Variants in CLCN5 observed in about 807,000 individuals in gnomAD.
CLCN5 encodes the protein H(+)/Cl(-) exchange transporter 5.
A neutral mutation model predicts 54.0 loss-of-function variants in CLCN5; 17 were observed. That is an observed-to-expected ratio of 0.31 (90% CI 0.22 to 0.47). The LOEUF (loss-of-function observed/expected upper bound fraction) is 0.47. CLCN5 is among the 20% of genes least tolerant of loss of function. The pLI, the probability that CLCN5 is intolerant of heterozygous loss-of-function variation, is 1.00. For synonymous variants in CLCN5, 222 were observed against 233.0 expected, an observed-to-expected ratio of 0.95 and a Z score of 0.43; for missense variants, 448 against 646.7, an observed-to-expected ratio of 0.69 and a Z score of 3.33.
chrX:50,076,089 CCACA>C, intron 7 of CLCN5, 107 bp downstream of exon 7: 2 of 767,809 alleles, frequency 2.6e-6, no homozygotes, highest in Non-Finnish European at 3.9e-6. Flanking sequence ...ATTTTCCTTT[CCACA>C]GAAAGGGGAA....
At chrX:50,039,160 G>A (rs1335390799) in intron 3 of CLCN5, among the ~76,000 whole-genome samples, 2 of 111,319 alleles carry the variant, frequency 1.8e-5, no homozygotes, top group Admixed American at 9.5e-5. Flanking sequence ...TGGGCACAGT[G>A]ACGCACGCCT....
intron 3 of CLCN5, among the ~76,000 whole-genome samples, chrX:50,000,507 C>T (rs1929746767): frequency 9.0e-6 from 1 of 111,300 alleles, no homozygotes; most frequent in African/African-American, 3.3e-5. Flanking sequence ...CTTCCTTTTC[C>T]TCCCTCATCT....
intron 9 of CLCN5, 121 bp downstream of exon 9, chrX:50,081,968 C>A: frequency 1.6e-6 from 1 of 616,268 alleles, no homozygotes; most frequent in Non-Finnish European, 2.6e-6. Flanking sequence ...CCCAGCAATT[C>A]CACTTGTAGG....
At chrX:50,057,957 A>T (rs1212796146) in intron 4 of CLCN5, among the ~76,000 whole-genome samples, 1 of 111,009 alleles carries the variant, frequency 9.0e-6, no homozygotes, top group Non-Finnish European at 1.9e-5. Context: ...GGATGCGGGT[A>T]TGGAAGTAAG....
At chrX:49,998,387 T>TAA (rs1251305856) in intron 3 of CLCN5, among the ~76,000 whole-genome samples, 4 of 111,692 alleles carry the variant, frequency 3.6e-5, no homozygotes, top group Non-Finnish European at 7.5e-5. Context: ...CCTTCTCACT[T>TAA]ACTCTCTCAC....
chrX:49,990,118 A>G (rs1929183434), intron 3 of CLCN5, among the ~76,000 whole-genome samples: 1 of 110,551 alleles, frequency 9.0e-6, no homozygotes, highest in South Asian at 3.8e-4. Flanking sequence ...TTATTTATTT[A>G]TAATTGTTTT....
At chrX:49,927,435 C>T (rs1210946588) in intron 3 of CLCN5, among the ~76,000 whole-genome samples, 1 of 111,904 alleles carries the variant, frequency 8.9e-6, no homozygotes, top group African/African-American at 3.3e-5. Flanking sequence ...TGGATAACTG[C>T]AGCTTATCCT....
intron 3 of CLCN5, among the ~76,000 whole-genome samples, chrX:49,952,617 C>T (rs1276322421): frequency 4.5e-5 from 5 of 110,293 alleles, no homozygotes; most frequent in African/African-American, 1.6e-4. Flanking sequence ...ATTGGCTTTT[C>T]CTTTTATAGA....
At chrX:49,936,697 T>G (rs1468323749) in intron 3 of CLCN5, among the ~76,000 whole-genome samples, 1 of 112,445 alleles carries the variant, frequency 8.9e-6, no homozygotes, top group Non-Finnish European at 1.9e-5. Context: ...GCATATAAGT[T>G]GGTAGAATCC....
At chrX:49,991,021 T>C (rs1929235192) in intron 3 of CLCN5, among the ~76,000 whole-genome samples, 1 of 112,629 alleles carries the variant, frequency 8.9e-6, no homozygotes, top group Non-Finnish European at 1.9e-5. Context: ...ATAACATGCG[T>C]GTGCAAGTGT....
At chrX:49,940,741 G>A (rs1926283667) in intron 3 of CLCN5, among the ~76,000 whole-genome samples, 1 of 111,862 alleles carries the variant, frequency 8.9e-6, no homozygotes, top group Non-Finnish European at 1.9e-5. Flanking sequence ...CCCTTGAAAT[G>A]ATTTCACTTG....
chrX:50,048,523 G>A (rs1248580635), intron 4 of CLCN5, among the ~76,000 whole-genome samples: 1 of 112,404 alleles, frequency 8.9e-6, no homozygotes, highest in Admixed American at 9.4e-5. Context: ...ATATCAGTAT[G>A]GACTCATTTA....
At chrX:50,059,026 T>C (rs1433513062) in intron 4 of CLCN5, among the ~76,000 whole-genome samples, 4 of 111,792 alleles carry the variant, frequency 3.6e-5, no homozygotes, top group Non-Finnish European at 7.5e-5. Context: ...GGGTAGATCA[T>C]TTCTGTTGCC....
At chrX:50,088,048 G>A (rs868919400) in intron 11 of CLCN5, among the ~76,000 whole-genome samples, 1 of 112,032 alleles carries the variant, frequency 8.9e-6, no homozygotes, top group African/African-American at 3.2e-5. Context: ...AATCTTTCTT[G>A]ATACTGTTAC....
At chrX:49,990,027 C>G (rs782272267) in intron 3 of CLCN5, among the ~76,000 whole-genome samples, 1 of 111,848 alleles carries the variant, frequency 8.9e-6, no homozygotes, top group South Asian at 3.8e-4. Context: ...AGTGGCATTT[C>G]CATCTCAACC....
In CLCN5 at chrX:50,071,772, G is replaced by A. The variant is rs185409379; in HGVS notation, c.316-717G>A. Among the ~76,000 whole-genome samples, 9 of 111,944 alleles carry A rather than the reference G, an allele frequency of 8.0e-5. No individual in the cohort carries two copies. The East Asian group carries it at 2.5e-3, about 31-fold the overall frequency. On this transcript the variant is annotated intron_variant, in intron 5 of 14. Coordinates refer to ENST00000376091, the MANE Select transcript of CLCN5 (RefSeq NM_001127898.4). ...TCTGTGACGTTACTGTAGATAAGGT[G>A]GGGTAACTAAGTTGCCATTTCAAAG...
chrX:49,922,862 G>C (rs1223581492), intron 1 of CLCN5, 70 bp downstream of exon 1: 3 of 112,688 alleles, frequency 2.7e-5, no homozygotes, highest in Non-Finnish European at 3.8e-5. Flanking sequence ...CCCACCCCCG[G>C]AGCACCCCCT....
chrX:50,019,481 T>C (rs1557184074), intron 3 of CLCN5, among the ~76,000 whole-genome samples: 2 of 93,447 alleles, frequency 2.1e-5, no homozygotes, highest in African/African-American at 3.9e-5. Flanking sequence ...TTTTTTTTTT[T>C]TTTTTTTTAT....
chrX:50,014,568 G>A (rs782727424), intron 3 of CLCN5: 4 of 336,282 alleles, frequency 1.2e-5, no homozygotes, highest in African/African-American at 2.7e-5. Flanking sequence ...TCTCTGCTTC[G>A]AGCACGGCAG....
Sources: allele counts gnomAD v4.1 joint callset (sites outside exome capture counted in the v4.1 genomes callset), GRCh38; gene constraint gnomAD v4.1.1; transcripts MANE v1.5; gene names NCBI Gene and HGNC (gene_info 2026-07-23, HGNC 2026-07-21).